Variants in JMY observed in about 807,000 individuals in gnomAD.
JMY encodes the protein junction-mediating and -regulatory protein.
In JMY, 46 loss-of-function variants were observed where a neutral mutation model predicts 103.3. The observed-to-expected ratio is 0.45, with a 90% CI of 0.35 to 0.57. The LOEUF is 0.57. Among genes scored for constraint, JMY ranks in the 20% least tolerant of loss-of-function variants. The probability of loss-of-function intolerance (pLI) is 0.00; values close to 1 mark genes in which losing one functional copy is unlikely to be tolerated. For missense variants in JMY, 1,238 were observed against 1,255.2 expected, an observed-to-expected ratio of 0.99 and a Z score of 0.21; for synonymous variants, 526 against 489.3, an observed-to-expected ratio of 1.07 and a Z score of -0.99.
intron 4 of JMY, among the ~76,000 whole-genome samples, chr5:79,296,765 C>T (rs536895692): frequency 1.3e-5 from 2 of 152,346 alleles, no homozygotes; most frequent in South Asian, 4.1e-4. Context: ...ACAGGTAGCT[C>T]TTTTAATAGT....
Position 79,237,540 on chromosome 5 carries a change from T to A in JMY, c.890T>A (p.Leu297Gln). The A allele has an allele frequency of 6.2e-7, 1 of 1,613,688 alleles. No individual in the cohort carries two copies. Among genetic ancestry groups the A allele is most frequent in the Middle Eastern group, 1.6e-4 (1 of 6,062 alleles). Residue 297 changes from leucine to glutamine, a missense_variant, in exon 1 of 11, where the codon CTG becomes CAG. Physicochemically the swap from Leu to Gln is moderately radical, Grantham distance 113 (BLOSUM62 -2). Coordinates refer to ENST00000396137, the MANE Select transcript of JMY (RefSeq NM_152405.5). ...YQLQVYLGHG[L>Q]DTCGWKILSQ... ...CTCCAGGTCTACCTGGGCCACGGCC[T>A]GGACACCTGCGGCTGGAAGATCCTC...
chr5:79,247,651 T>C (rs893676179), intron 1 of JMY, among the ~76,000 whole-genome samples: 1 of 151,586 alleles, frequency 6.6e-6, no homozygotes. Flanking sequence ...TTATTTTGTT[T>C]ATTTATTTAT....
At chr5:79,238,802 C>T (rs1744644167) in intron 1 of JMY, among the ~76,000 whole-genome samples, 1 of 151,972 alleles carries the variant, frequency 6.6e-6, no homozygotes, top group South Asian at 2.1e-4. Context: ...TGCGCGCCAC[C>T]ACGCCCGGCT....
chr5:79,291,134 G>T lies in JMY; in HGVS notation c.1362G>T (p.Val454=). The T allele has an allele frequency of 6.3e-7, 1 of 1,591,532 alleles. No homozygotes were observed. Among genetic ancestry groups the T allele is most frequent in the Non-Finnish European group, 8.5e-7 (1 of 1,172,366 alleles). ...FEITAKAQKA[V]YDRMRADQKK... is the part of the protein sequence containing the mutation. ...TCTTTAAAAAATTATTAATAGCTGTGTATGATCGAATGCGAGCTGATCAGA... is the reference window on the plus strand; with the variant it reads ...TCTTTAAAAAATTATTAATAGCTGTTTATGATCGAATGCGAGCTGATCAGA... Residue 454 remains valine (V), a synonymous_variant, in exon 4 of 11, where the codon GTG becomes GTT. Coordinates refer to ENST00000396137, the MANE Select transcript of JMY (RefSeq NM_152405.5).
chr5:79,322,899 A>G lies in JMY; in HGVS notation c.*1297A>G, dbSNP rs1747504964. 1.3e-5 allele frequency: 2 copies of G among 152,222 alleles called. No individual in the cohort carries two copies. The highest frequency in any genetic ancestry group is 4.1e-4 in the South Asian group (2 of 4,834). The allele number at this position is 152,222 out of a possible 1,614,324, so 9.4% of individuals were successfully genotyped here. A position where few individuals can be genotyped will look rare whatever the true frequency, so the allele number is the denominator to read the frequency against. Reference sequence around the variant, plus strand: ...AAATCACTTTATTTCTTTTAAGACAATTATCTGGCCTAAACCCAGAAAGCA... The same window carrying G: ...AAATCACTTTATTTCTTTTAAGACAGTTATCTGGCCTAAACCCAGAAAGCA... On this transcript the variant is annotated 3_prime_UTR_variant, in exon 11 of 11. Transcript: ENST00000396137.
rs996543925 is a variant in JMY at position 79,325,621 on chromosome 5, C to G, written c.*4019C>G. On this transcript the variant is annotated 3_prime_UTR_variant, in exon 11 of 11. Coordinates refer to ENST00000396137, the MANE Select transcript of JMY (RefSeq NM_152405.5). ...GGGGTGAGAAAGTGGAAGCACCTTA[C>G]TGTTAGAGCATGTTGCATCTATTTA... The G allele has an allele frequency of 2.6e-5, 4 of 152,148 alleles. No individual in the cohort carries two copies. The highest frequency in any genetic ancestry group is 6.5e-5 in the Admixed American group (1 of 15,272). The allele number at this position is 152,148 out of a possible 1,614,324, so 9.4% of individuals were successfully genotyped here.
chr5:79,264,820 C>T (rs952865853), intron 1 of JMY, among the ~76,000 whole-genome samples: 1 of 152,074 alleles, frequency 6.6e-6, no homozygotes, highest in Non-Finnish European at 1.5e-5. Context: ...TGAGTTTTGG[C>T]TCAATTTTAG....
At position 79,324,130 on chromosome 5, in the gene JMY, G is replaced by A. The variant is rs867940149; in HGVS notation, c.*2528G>A. 5.9e-5 allele frequency: 9 copies of A among 152,138 alleles called. No individual in the cohort carries two copies. The highest frequency in any genetic ancestry group is 2.1e-4 in the South Asian group (1 of 4,832). 9.4% of individuals were successfully genotyped at this position (152,138 alleles called of 1,614,324 possible). A position where few individuals can be genotyped will look rare whatever the true frequency, so the allele number is the denominator to read the frequency against. On this transcript the variant is annotated 3_prime_UTR_variant, in exon 11 of 11. Transcript: ENST00000396137. ...AATTTCAAATAACTAGGGTCTACTT[G>A]TCCATCAAGATGACATTACCAGTGG...
At chr5:79,271,316 T>A (rs909743835) in intron 1 of JMY, among the ~76,000 whole-genome samples, 1 of 152,024 alleles carries the variant, frequency 6.6e-6, no homozygotes, top group Admixed American at 6.6e-5. Context: ...ACAGGTGCAA[T>A]CCATCATGCT....
At chr5:79,265,875 G>C (rs928969521) in intron 1 of JMY, among the ~76,000 whole-genome samples, 1 of 150,764 alleles carries the variant, frequency 6.6e-6, no homozygotes, top group South Asian at 2.1e-4. Context: ...CCGCCTCCCA[G>C]GTTCAAGTGA....
intron 4 of JMY, among the ~76,000 whole-genome samples, chr5:79,296,087 T>A (rs574194049): frequency 3.7e-4 from 57 of 152,284 alleles, no homozygotes; most frequent in African/African-American, 1.3e-3. Context: ...ATCCCAGGGT[T>A]TTTTTAGATT....
intron 6 of JMY, among the ~76,000 whole-genome samples, chr5:79,301,809 G>A (rs1746742034): frequency 6.6e-6 from 1 of 152,110 alleles, no homozygotes; most frequent in Admixed American, 6.5e-5. Context: ...ATTGCAGGCT[G>A]GGCGCGGTGG....
At chr5:79,260,870 A>T (rs552722626) in intron 1 of JMY, among the ~76,000 whole-genome samples, 83 of 152,282 alleles carry the variant, frequency 5.5e-4, no homozygotes, top group Admixed American at 2.3e-3. Context: ...CTTATTTCTC[A>T]GTAGGGGAAA....
chr5:79,300,647 C>CACTACTCTTTTTT, intron 5 of JMY, 29 bp from the exon 6 acceptor site: 1 of 1,545,164 alleles, frequency 6.5e-7, no homozygotes, highest in Non-Finnish European at 8.7e-7. Flanking sequence ...TATTCTTTAC[C>CACTACTCTTTTTT]ACTACTCTTT....
intron 4 of JMY, among the ~76,000 whole-genome samples, chr5:79,298,812 A>T (rs1746641049): frequency 6.6e-6 from 1 of 152,244 alleles, no homozygotes; most frequent in Admixed American, 6.5e-5. Flanking sequence ...TTATATTTTA[A>T]GGAAAAATAT....
chr5:79,247,468 C>T (rs1167582528), intron 1 of JMY, among the ~76,000 whole-genome samples: 3 of 151,880 alleles, frequency 2.0e-5, no homozygotes. Context: ...GCCACCACAC[C>T]TGGCTAATTT....
rs1747600526 is a variant in JMY at position 79,325,330 on chromosome 5, G to A, written c.*3728G>A. The A allele has an allele frequency of 6.6e-6, 1 of 152,128 alleles. No homozygotes were observed. The highest frequency in any genetic ancestry group is 6.5e-5 in the Admixed American group (1 of 15,278). The allele number at this position is 152,128 out of a possible 1,614,324, so 9.4% of individuals were successfully genotyped here. A position where few individuals can be genotyped will look rare whatever the true frequency, so the allele number is the denominator to read the frequency against. ...TCCTTAAGGGCTCTATCAGGGAGTTGAAATTTCATACGCTTTACCAGGTTA... is the reference window on the plus strand; with the variant it reads ...TCCTTAAGGGCTCTATCAGGGAGTTAAAATTTCATACGCTTTACCAGGTTA... On this transcript the variant is annotated 3_prime_UTR_variant, in exon 11 of 11. Coordinates refer to ENST00000396137, the MANE Select transcript of JMY (RefSeq NM_152405.5).
intron 6 of JMY, among the ~76,000 whole-genome samples, chr5:79,304,649 G>A (rs919956310): frequency 3.3e-5 from 5 of 152,026 alleles, no homozygotes; most frequent in African/African-American, 1.2e-4. Flanking sequence ...CCAGACCTGA[G>A]CTAACATGAA....
intron 7 of JMY, among the ~76,000 whole-genome samples, chr5:79,311,061 G>T (rs1369898488): frequency 6.6e-6 from 1 of 151,914 alleles, no homozygotes; most frequent in African/African-American, 2.4e-5. Context: ...TTGTGTTCAT[G>T]TGTGGTGTAT....
Sources: allele counts gnomAD v4.1 joint callset (sites outside exome capture counted in the v4.1 genomes callset), GRCh38; gene constraint gnomAD v4.1.1; transcripts MANE v1.5; gene names NCBI Gene and HGNC (gene_info 2026-07-23, HGNC 2026-07-21).